The following FKBP7 variants were observed in gnomAD, a reference collection of about 807,000 sequenced individuals.
FKBP7 encodes peptidyl-prolyl cis-trans isomerase FKBP7.
A neutral mutation model predicts 24.3 loss-of-function variants in FKBP7; 24 were observed. The observed-to-expected ratio is 0.99, with a 90% CI of 0.72 to 1.39. The LOEUF is 1.39. Ranked by LOEUF, FKBP7 falls within the 40% of genes most tolerant of loss-of-function variation. The pLI is 0.00. For missense variants in FKBP7, 257 were observed against 269.5 expected (o/e 0.95, Z 0.33); for synonymous variants, 98 against 92.8 (o/e 1.06, Z -0.32).
chr2:178,474,791 G>A (rs1575136436), intron 2 of FKBP7, among the ~76,000 whole-genome samples: 1 of 152,140 alleles, frequency 6.6e-6, no homozygotes, highest in African/African-American at 2.4e-5. Context: ...AGGCTCCAGG[G>A]ATCCTCCCAT....
At position 178,465,695 on chromosome 2, in the gene FKBP7, T is replaced by C. The variant is rs1421075170; in HGVS notation, c.*75A>G. On this transcript the variant is annotated 3_prime_UTR_variant, in exon 4 of 4. Transcript: ENST00000424785. ...ATAGGGGAAAAATAGCAAATACAAC[T>C]TGGAGAAAAGTGACTTTGTTTTATA... 17 of 1,343,112 alleles carry C rather than the reference T, an allele frequency of 1.3e-5. No individual in the cohort carries two copies. The highest frequency in any genetic ancestry group is 2.9e-5 in the Admixed American group (1 of 34,192). 83.2% of individuals were successfully genotyped at this position (1,343,112 alleles called of 1,614,324 possible).
chr2:178,472,892 C>CTT, intron 2 of FKBP7: 9 of 274,414 alleles, frequency 3.3e-5, no homozygotes, highest in Admixed American at 9.9e-5. Context: ...CCAATTACCT[C>CTT]TTTTTCTTGT....
intron 3 of FKBP7, among the ~76,000 whole-genome samples, chr2:178,469,170 C>A (rs1684773822): frequency 6.6e-6 from 1 of 152,146 alleles, no homozygotes; most frequent in Admixed American, 6.6e-5. Context: ...ATGCCCAGCC[C>A]AATTATCATT....
chr2:178,468,759 A>C (rs915168773), intron 3 of FKBP7, among the ~76,000 whole-genome samples: 2 of 152,152 alleles, frequency 1.3e-5, no homozygotes, highest in Non-Finnish European at 2.9e-5. Flanking sequence ...GATGATGACA[A>C]TAGTGTCTGC....
intron 2 of FKBP7, among the ~76,000 whole-genome samples, 184 bp from the exon 3 acceptor site, chr2:178,469,969 G>GT (rs993410016): frequency 2.0e-4 from 28 of 143,086 alleles, no homozygotes; most frequent in African/African-American, 4.6e-4. Flanking sequence ...TTTCTTTTTT[G>GT]TTTTTTTTTC....
chr2:178,477,508 G>A (rs576682154), intron 1 of FKBP7, among the ~76,000 whole-genome samples: 1 of 152,158 alleles, frequency 6.6e-6, no homozygotes, highest in South Asian at 2.1e-4. Flanking sequence ...TGCATGGCTT[G>A]TACAAAGAAC....
rs1375123312 is a variant in FKBP7 at position 178,465,669 on chromosome 2, CAT to C, written c.*99_*100del. 39 of 1,146,504 alleles carry C rather than the reference CAT, an allele frequency of 3.4e-5. No individual in the cohort carries two copies. The highest frequency in any genetic ancestry group is 4.6e-5 in the Non-Finnish European group (39 of 851,660). 71.0% of individuals were successfully genotyped at this position (1,146,504 alleles called of 1,614,324 possible). A position where few individuals can be genotyped will look rare whatever the true frequency, so the allele number is the denominator to read the frequency against. On this transcript the variant is annotated 3_prime_UTR_variant, in exon 4 of 4. Transcript: ENST00000424785. ...TATTGGGGAGATCAAAATATCTTCT[CAT>C]AGGGGAAAAATAGCAAATACAACTT...
chr2:178,471,236 A>G (rs1391772850), intron 2 of FKBP7, among the ~76,000 whole-genome samples: 6 of 141,474 alleles, frequency 4.2e-5, no homozygotes, highest in African/African-American at 1.3e-4. Flanking sequence ...TTAGACAAGA[A>G]TCTTCCTCTG....
chr2:178,478,238 T>C (rs753208944), intron 1 of FKBP7, 41 bp downstream of exon 1: 1 of 1,609,506 alleles, frequency 6.2e-7, no homozygotes. Flanking sequence ...AGGCAAGATT[T>C]TGTGCAACTG....
At position 178,469,704 on chromosome 2, in the gene FKBP7, T is replaced by G; in HGVS notation, c.455A>C (p.Glu152Ala). The change falls in exon 3 of 4, where the codon GAG becomes GCG. Residue 152 changes from glutamate (E) to alanine (A), a missense_variant. Coordinates refer to ENST00000424785, the MANE Select transcript of FKBP7 (RefSeq NM_181342.3). ...GTCCATGTCTATTTGTTTAAATGTCTCAATGCTCCGTGGTCCTTTGGTCAC... is the reference window on the plus strand; with the variant it reads ...GTCCATGTCTATTTGTTTAAATGTCGCAATGCTCCGTGGTCCTTTGGTCAC... ...YAVTKGPRSI[E>A]TFKQIDMDND... 1 of 1,614,040 alleles carries G rather than the reference T, an allele frequency of 6.2e-7. No individual in the cohort carries two copies. The highest frequency in any genetic ancestry group is 1.3e-5 in the African/African-American group (1 of 75,060).
intron 2 of FKBP7, among the ~76,000 whole-genome samples, chr2:178,474,912 T>G (rs1431282361): frequency 6.6e-6 from 1 of 152,184 alleles, no homozygotes; most frequent in South Asian, 2.1e-4. Context: ...GCTTTCAGAC[T>G]CCTGGGCTCA....
intron 1 of FKBP7, 102 bp from the exon 2 acceptor site, chr2:178,477,315 A>G: frequency 8.7e-7 from 1 of 1,155,776 alleles, no homozygotes; most frequent in Admixed American, 2.4e-5. Context: ...CATCATTCCC[A>G]TATAATCACT....
intron 2 of FKBP7, chr2:178,473,252 T>A (rs760512602): frequency 2.1e-5 from 9 of 425,594 alleles, no homozygotes; most frequent in Non-Finnish European, 3.7e-5. Context: ...ACACTGCAAC[T>A]TTTAAAATAA....
At chr2:178,469,628 A>G in intron 3 of FKBP7, 24 bp downstream of exon 3, 1 of 1,612,580 alleles carries the variant, frequency 6.2e-7, no homozygotes, top group Non-Finnish European at 8.5e-7. Flanking sequence ...ATTAGACTAT[A>G]CACATGAAAT....
intron 2 of FKBP7, among the ~76,000 whole-genome samples, chr2:178,474,295 C>T (rs1319861049): frequency 6.6e-6 from 1 of 152,202 alleles, no homozygotes; most frequent in African/African-American, 2.4e-5. Context: ...ATGCAAGGTA[C>T]AGCCTATCAG....
chr2:178,472,794 G>A (rs963954948), intron 2 of FKBP7, among the ~76,000 whole-genome samples: 4 of 125,128 alleles, frequency 3.2e-5, no homozygotes, highest in Non-Finnish European at 6.3e-5. Flanking sequence ...GCTGCAGTGA[G>A]CCAAGATCAA....
At chr2:178,470,869 C>T (rs1366021738) in intron 2 of FKBP7, among the ~76,000 whole-genome samples, 1 of 151,902 alleles carries the variant, frequency 6.6e-6, no homozygotes, top group Non-Finnish European at 1.5e-5. Flanking sequence ...AGTTGAATAC[C>T]TATTTTTATT....
At chr2:178,475,276 C>A (rs1684968863) in intron 2 of FKBP7, among the ~76,000 whole-genome samples, 1 of 151,896 alleles carries the variant, frequency 6.6e-6, no homozygotes, top group Non-Finnish European at 1.5e-5. Flanking sequence ...GTTGCCCAGG[C>A]TGGAGTGCAG....
chr2:178,473,077 A>G lies in FKBP7; in HGVS notation c.374-3292T>C, dbSNP rs973397483. ...TAACAAGTCACATGCATTTCAAGAC[A>G]TGCAGGGTTGTTCTGTGACATGAGA... is the stretch of plus-strand genomic sequence containing the variant. On this transcript the variant is annotated intron_variant, in intron 2 of 3. Coordinates refer to ENST00000424785, the MANE Select transcript of FKBP7 (RefSeq NM_181342.3). 6 of 1,305,396 alleles carry G rather than the reference A, an allele frequency of 4.6e-6. No individual in the cohort carries two copies. The South Asian group carries it at 4.9e-5, about 11-fold the overall frequency. The allele number at this position is 1,305,396 out of a possible 1,614,324, so 80.9% of individuals were successfully genotyped here.
Sources: allele counts gnomAD v4.1 joint callset (sites outside exome capture counted in the v4.1 genomes callset), GRCh38; gene constraint gnomAD v4.1.1; transcripts MANE v1.5; gene names NCBI Gene and HGNC (gene_info 2026-07-23, HGNC 2026-07-21).